Variants in MARCHF10 observed in about 807,000 individuals in gnomAD.
MARCHF10 encodes the protein membrane associated ring-CH-type finger 10.
A neutral mutation model predicts 76.2 loss-of-function variants in MARCHF10; 64 were observed. The ratio of observed to expected loss-of-function variants is 0.84; its 90% CI spans 0.69 to 1.03. The LOEUF (loss-of-function observed/expected upper bound fraction) is 1.03, where lower values mean the gene tolerates loss of function less well. Among genes scored for constraint, MARCHF10 ranks in the 50% least tolerant of loss-of-function variants. MARCHF10 has a pLI of 0.00. For missense variants in MARCHF10, 875 were observed against 958.0 expected (o/e 0.91, Z 1.14); for synonymous variants, 340 against 357.5 (o/e 0.95, Z 0.55).
intron 1 of MARCHF10, among the ~76,000 whole-genome samples, chr17:62,802,376 C>T (rs779259450): frequency 1.5e-4 from 23 of 152,210 alleles, no homozygotes; most frequent in African/African-American, 3.9e-4. Flanking sequence ...CCTGCCACCA[C>T]GCCTGGCTAA....
In MARCHF10 at chr17:62,711,483, G is replaced by C; in HGVS notation, c.2215-139C>G. 1 of 736,224 alleles carries C rather than the reference G, an allele frequency of 1.4e-6. No individual in the cohort carries two copies. Among genetic ancestry groups the C allele is most frequent in the Non-Finnish European group, 2.3e-6 (1 of 442,552 alleles). The allele number at this position is 736,224 out of a possible 1,614,324, so 45.6% of individuals were successfully genotyped here. On this transcript the variant is annotated intron_variant, in intron 8 of 10. Transcript: ENST00000311269. The surrounding 1 kb of genome is among the most constrained non-coding windows in gnomAD (Gnocchi z 4.4). Reference sequence around the variant, plus strand: ...CTCCAAGGCAAGGCCTGCTCTTGGGGACCAGAAGACAGAGCAGGAGGAGAT... The same window carrying C: ...CTCCAAGGCAAGGCCTGCTCTTGGGCACCAGAAGACAGAGCAGGAGGAGAT...
intron 5 of MARCHF10, among the ~76,000 whole-genome samples, chr17:62,739,486 A>C (rs1412434826): frequency 1.3e-5 from 2 of 151,440 alleles, no homozygotes; most frequent in African/African-American, 2.4e-5. Context: ...GGTTCAAGCA[A>C]TTCTCCTGCC....
intron 1 of MARCHF10, among the ~76,000 whole-genome samples, chr17:62,805,599 C>T (rs935667753): frequency 6.6e-6 from 1 of 152,072 alleles, no homozygotes; most frequent in East Asian, 1.9e-4. Context: ...GAATTACTTG[C>T]TAAGTTACCT....
intron 1 of MARCHF10, among the ~76,000 whole-genome samples, chr17:62,807,189 T>TAAA (rs988554427): frequency 6.6e-6 from 1 of 152,074 alleles, no homozygotes; most frequent in Non-Finnish European, 1.5e-5. Context: ...ATCTTAGCTC[T>TAAA]AAAAAAAACT....
At chr17:62,714,618 G>A (rs1472575371) in intron 8 of MARCHF10, among the ~76,000 whole-genome samples, 1 of 152,114 alleles carries the variant, frequency 6.6e-6, no homozygotes, top group African/African-American at 2.4e-5. Flanking sequence ...ATGCATAATT[G>A]TGATGGATCA....
At chr17:62,766,229 G>C (rs976626770) in intron 3 of MARCHF10, among the ~76,000 whole-genome samples, 1 of 152,048 alleles carries the variant, frequency 6.6e-6, no homozygotes, top group Non-Finnish European at 1.5e-5. Context: ...GGCCGGACGC[G>C]GTGGCTCACG....
chr17:62,727,269 CA>C (rs544047436), intron 6 of MARCHF10, among the ~76,000 whole-genome samples: 1 of 151,918 alleles, frequency 6.6e-6, no homozygotes, highest in Non-Finnish European at 1.5e-5. Context: ...CCCTACTTTG[CA>C]AAAAAATTTT....
chr17:62,724,812 A>G, intron 7 of MARCHF10, 126 bp downstream of exon 7: 1 of 980,896 alleles, frequency 1.0e-6, no homozygotes, highest in Non-Finnish European at 1.5e-6. Flanking sequence ...GAGCTCAGCC[A>G]CGTGTCCCTG....
chr17:62,788,296 T>C (rs544974002), intron 3 of MARCHF10, among the ~76,000 whole-genome samples, 184 bp downstream of exon 3: 1 of 152,264 alleles, frequency 6.6e-6, no homozygotes, highest in Admixed American at 6.5e-5. Context: ...AGGGGTGGTG[T>C]CCCCAGGAAG....
At position 62,770,851 on chromosome 17, in the gene MARCHF10, C is replaced by CTTTTT. The variant is rs35064058; in HGVS notation, c.211-10850_211-10846dup. On this transcript the variant is annotated intron_variant, in intron 3 of 10. Transcript: ENST00000311269. ...CCACCGCACCTGGTCTGTATTTTGA[C>CTTTTT]TTTTTTTTTTTTTTTTTTTTTTGAG... Among the ~76,000 whole-genome samples, 20 of 83,620 alleles carry CTTTTT rather than the reference C, an allele frequency of 2.4e-4. 1 individual carries two copies. Among genetic ancestry groups the CTTTTT allele is most frequent in the East Asian group, 3.8e-4 (1 of 2,658 alleles). 54.9% of individuals were successfully genotyped at this position (83,620 alleles called of 152,430 possible).
Position 62,741,212 on chromosome 17 carries a change from G to T in MARCHF10, c.535+3164C>A, listed in dbSNP as rs181877194. On this transcript the variant is annotated intron_variant, in intron 5 of 10. Transcript: ENST00000311269. The stretch of plus-strand genomic sequence containing the variant: ...AGTATAAAGGTATATATTATAATTT[G>T]TTAACTCTTCCCCTATTGTTGGGTA... 1.1e-3 allele frequency among the ~76,000 whole-genome samples: 171 copies of T among 152,288 alleles called. 3 individuals carry two copies. Among genetic ancestry groups the T allele is most frequent in the African/African-American group, 3.8e-3 (156 of 41,564 alleles).
chr17:62,714,279 C>G (rs999671118), intron 8 of MARCHF10: 4 of 555,924 alleles, frequency 7.2e-6, no homozygotes, highest in Non-Finnish European at 9.1e-6. Flanking sequence ...AGTGCAGGGC[C>G]ACCGGACACT....
At chr17:62,807,012 T>C (rs1257038648) in intron 1 of MARCHF10, among the ~76,000 whole-genome samples, 2 of 152,220 alleles carry the variant, frequency 1.3e-5, no homozygotes, top group Non-Finnish European at 2.9e-5. Flanking sequence ...AGACGGAAGG[T>C]TGCTTTGAAA....
intron 3 of MARCHF10, among the ~76,000 whole-genome samples, chr17:62,766,744 T>C (rs555234946): frequency 1.6e-4 from 25 of 152,238 alleles, no homozygotes; most frequent in African/African-American, 5.8e-4. Flanking sequence ...TAACAGGTCA[T>C]TAAACATGGA....
intron 3 of MARCHF10, among the ~76,000 whole-genome samples, chr17:62,777,477 C>T (rs1387844714): frequency 6.6e-6 from 1 of 152,066 alleles, no homozygotes; most frequent in South Asian, 2.1e-4. Context: ...AATCCTAGCA[C>T]TTTGGGAGGC....
At chr17:62,747,017 T>G (rs1388915571) in intron 4 of MARCHF10, 8 of 1,426,328 alleles carry the variant, frequency 5.6e-6, no homozygotes, top group Non-Finnish European at 7.6e-6. Flanking sequence ...TTTTAAAAAA[T>G]GGCCTTTAGT....
chr17:62,782,910 C>A (rs2092684462), intron 3 of MARCHF10, among the ~76,000 whole-genome samples: 1 of 152,096 alleles, frequency 6.6e-6, no homozygotes, highest in African/African-American at 2.4e-5. Flanking sequence ...CTTTTGTGTC[C>A]AGGGGCAAAT....
chr17:62,740,391 TC>T (rs755068572), intron 5 of MARCHF10, among the ~76,000 whole-genome samples: 6 of 152,184 alleles, frequency 3.9e-5, no homozygotes, highest in Non-Finnish European at 8.8e-5. Flanking sequence ...GCCTTCGACT[TC>T]TTGGTGTGCT....
intron 4 of MARCHF10, among the ~76,000 whole-genome samples, chr17:62,757,674 C>G (rs1233348076): frequency 2.0e-5 from 3 of 152,232 alleles, no homozygotes; most frequent in Non-Finnish European, 2.9e-5. Flanking sequence ...TGGGGACAGC[C>G]AGGCCACAGC....
Sources: allele counts gnomAD v4.1 joint callset (sites outside exome capture counted in the v4.1 genomes callset), GRCh38; gene constraint gnomAD v4.1.1; non-coding constraint Gnocchi (gnomAD v3.1); transcripts MANE v1.5; gene names NCBI Gene and HGNC (gene_info 2026-07-23, HGNC 2026-07-21).